Variants in DEDD2 observed in about 807,000 individuals in gnomAD.
DEDD2 encodes death effector domain containing 2.
Under a neutral mutation model 28.9 loss-of-function variants are expected in DEDD2, and 18 were observed. The ratio of observed to expected loss-of-function variants is 0.62; its 90% CI spans 0.43 to 0.92. The LOEUF is 0.92. Ranked by LOEUF, DEDD2 falls within the 40% of genes least tolerant of loss-of-function variation. The pLI is 0.00. For synonymous variants in DEDD2, 211 were observed against 206.1 expected (o/e 1.02, Z -0.20); for missense variants, 411 against 463.3 (o/e 0.89, Z 1.04).
intron 4 of DEDD2, among the ~76,000 whole-genome samples, chr19:42,208,004 G>T (rs2035600590): frequency 6.6e-6 from 1 of 152,116 alleles, no homozygotes; most frequent in African/African-American, 2.4e-5. Flanking sequence ...GGCTGGCCAG[G>T]AGACTCCCTG....
In DEDD2 at chr19:42,206,822, G is replaced by A. The variant is rs960386320; in HGVS notation, c.589+2878C>T. ...GAATAGCAGGCCTCTTCTTCAGTCA[G>A]GCCTCCTTCCACCTCTGGCATTCGG... On this transcript the variant is annotated intron_variant, in intron 4 of 4. Coordinates refer to ENST00000596251, the MANE Select transcript of DEDD2 (RefSeq NM_133328.4). Among the ~76,000 whole-genome samples the A allele has an allele frequency of 2.6e-5, 4 of 152,140 alleles. No homozygotes were observed. The South Asian group carries it at 8.3e-4, about 31-fold the overall frequency.
At chr19:42,204,033 G>A (rs926526378) in intron 4 of DEDD2, among the ~76,000 whole-genome samples, 1 of 152,220 alleles carries the variant, frequency 6.6e-6, no homozygotes, top group Admixed American at 6.5e-5. Context: ...CCTTCCTAGA[G>A]AGGAGAGCTG....
At chr19:42,200,279 T>C (rs1169258600) in intron 4 of DEDD2, among the ~76,000 whole-genome samples, 1 of 152,242 alleles carries the variant, frequency 6.6e-6, no homozygotes, top group Non-Finnish European at 1.5e-5. Flanking sequence ...CTGCTCATTA[T>C]CTGTCTCTAC....
intron 4 of DEDD2, among the ~76,000 whole-genome samples, chr19:42,209,232 T>C (rs1044314054): frequency 1.9e-4 from 28 of 150,634 alleles, no homozygotes; most frequent in African/African-American, 6.6e-4. Context: ...CAGAGGGAGA[T>C]GGCGTCTCAA....
chr19:42,212,167 A>C (rs2035794958), intron 3 of DEDD2, among the ~76,000 whole-genome samples: 1 of 152,024 alleles, frequency 6.6e-6, no homozygotes, highest in Non-Finnish European at 1.5e-5. Flanking sequence ...GGAGTTCGAG[A>C]CTAGCCTGGC....
At chr19:42,214,597 T>C (rs1317174823) in intron 3 of DEDD2, among the ~76,000 whole-genome samples, 1 of 149,110 alleles carries the variant, frequency 6.7e-6, no homozygotes. Context: ...ACCACACCTC[T>C]ATAAAGGATG....
chr19:42,206,710 C>T (rs2146872066), intron 4 of DEDD2, among the ~76,000 whole-genome samples: 1 of 152,298 alleles, frequency 6.6e-6, no homozygotes, highest in African/African-American at 2.4e-5. Flanking sequence ...CTCACTGTCT[C>T]AGGCAGTCGA....
At chr19:42,214,140 A>G (rs1349555908) in intron 3 of DEDD2, among the ~76,000 whole-genome samples, 2 of 152,208 alleles carry the variant, frequency 1.3e-5, no homozygotes, top group African/African-American at 4.8e-5. Context: ...TTCAACTTGT[A>G]TGTTTGAAAT....
chr19:42,205,929 A>T (rs1277701394), intron 4 of DEDD2, among the ~76,000 whole-genome samples: 1 of 151,944 alleles, frequency 6.6e-6, no homozygotes, highest in African/African-American at 2.4e-5. Flanking sequence ...AAAAAAACAC[A>T]CAGAAATTAG....
intron 3 of DEDD2, among the ~76,000 whole-genome samples, chr19:42,212,768 T>C (rs1208641770): frequency 6.6e-6 from 1 of 151,926 alleles, no homozygotes; most frequent in Non-Finnish European, 1.5e-5. Flanking sequence ...CCCGGCTAGG[T>C]TTTTTATCTT....
intron 4 of DEDD2, chr19:42,201,959 G>A (rs1307859210): frequency 5.0e-6 from 2 of 398,668 alleles, no homozygotes; most frequent in Non-Finnish European, 8.8e-6. Context: ...TGGCCACAGA[G>A]GCAGGGCCAG....
chr19:42,216,084 T>C (rs564223914), intron 2 of DEDD2, among the ~76,000 whole-genome samples: 3 of 152,276 alleles, frequency 2.0e-5, no homozygotes, highest in Admixed American at 6.5e-5. Context: ...TCCCCTGGGG[T>C]CTATGCATGG....
chr19:42,206,452 G>A (rs2035538610), intron 4 of DEDD2, among the ~76,000 whole-genome samples: 1 of 152,178 alleles, frequency 6.6e-6, no homozygotes, highest in Non-Finnish European at 1.5e-5. Context: ...CTAGCATATA[G>A]TAAATACCCT....
chr19:42,203,168 C>T (rs954991222), intron 4 of DEDD2, among the ~76,000 whole-genome samples: 6 of 152,156 alleles, frequency 3.9e-5, no homozygotes, highest in Admixed American at 6.5e-5. Context: ...GCTCCAGTGC[C>T]CGAGCTCTTA....
At chr19:42,219,266 T>C (rs2036085498), upstream of DEDD2, among the ~76,000 whole-genome samples, 1 of 149,738 alleles carries the variant, frequency 6.7e-6, no homozygotes, top group African/African-American at 2.5e-5. Context: ...ATTGCGCCAT[T>C]GCACTCCAGT....
chr19:42,207,552 C>T (rs953271622), intron 4 of DEDD2, among the ~76,000 whole-genome samples: 1 of 152,172 alleles, frequency 6.6e-6, no homozygotes, highest in African/African-American at 2.4e-5. Context: ...CCCCTGGCCT[C>T]ATGTTTCATT....
At chr19:42,209,928 T>G in intron 3 of DEDD2, 88 bp from the exon 4 acceptor site, 1 of 1,435,282 alleles carries the variant, frequency 7.0e-7, no homozygotes, top group African/African-American at 1.5e-5. Context: ...CAAGGTGTTC[T>G]CGGTGCTGAG....
chr19:42,216,938 G>C lies in DEDD2; in HGVS notation c.70C>G (p.Leu24Val). The C allele has an allele frequency of 1.9e-6, 3 of 1,602,182 alleles. No individual in the cohort carries two copies. Among genetic ancestry groups the C allele is most frequent in the Non-Finnish European group, 2.6e-6 (3 of 1,174,860 alleles). The change falls in exon 2 of 5, where the codon CTG becomes GTG. Residue 24 changes from leucine to valine, a missense_variant. Leu to Val is a conservative substitution (Grantham distance 32). Transcript: ENST00000596251. ...EDECLDYYGM[L>V]SLHRMFEVVG... ...ACCTCGAACATACGGTGAAGCGACA[G>C]CATCCCGTAGTAGTCCAGGCACTCA...
At position 42,199,555 on chromosome 19, in the gene DEDD2, C is replaced by T; in HGVS notation, c.864G>A (p.Val288=). ...VFLTEALREA[V]GREAVRLLVS... is the part of the protein sequence containing the mutation. ...CCAGCAGGCGAACAGCCTCCCGGCC[C>T]ACAGCCTCTCGCAGGGCCTCAGTCA... The change falls in exon 5 of 5, where the codon GTG becomes GTA. Residue 288 remains valine (V), a synonymous_variant. Transcript: ENST00000596251. The surrounding 1 kb of genome is among the most constrained non-coding windows in gnomAD (Gnocchi z 7.4). The T allele has an allele frequency of 2.5e-6, 4 of 1,614,078 alleles. No individual in the cohort carries two copies. Among genetic ancestry groups the T allele is most frequent in the Non-Finnish European group, 2.5e-6 (3 of 1,179,968 alleles).
Sources: gnomAD v4.1 joint callset for allele counts (sites outside exome capture counted in the v4.1 genomes callset) on GRCh38, gnomAD v4.1.1 for gene constraint, Gnocchi (gnomAD v3.1) non-coding constraint, MANE v1.5 for transcripts, NCBI Gene and HGNC (gene_info 2026-07-23, HGNC 2026-07-21) for gene names.